TRAPPC10: variants seen among roughly 807,000 people sequenced by gnomAD.
TRAPPC10 encodes the protein trafficking protein particle complex subunit 10, also known as TRAPP 130 kDa subunit.
A neutral mutation model predicts 125.5 loss-of-function variants in TRAPPC10; 23 were observed. The ratio of observed to expected loss-of-function variants is 0.18; its 90% confidence interval spans 0.13 to 0.26. The LOEUF is 0.26. TRAPPC10 is among the 10% of genes least tolerant of loss of function. The pLI is 1.00. For synonymous variants in TRAPPC10, 509 were observed against 518.0 expected, an observed-to-expected ratio of 0.98 and a Z score of 0.24; for missense variants, 1,123 against 1,308.4, an observed-to-expected ratio of 0.86 and a Z score of 2.19.
At chr21:44,057,402 C>T (rs1049010089) in intron 5 of TRAPPC10, among the ~76,000 whole-genome samples, 8 of 151,908 alleles carry the variant, frequency 5.3e-5, no homozygotes, top group South Asian at 2.1e-4. Context: ...CAGGTTTAAG[C>T]GATTCTCCTG....
Position 44,094,135 on chromosome 21 carries a change from C to A in TRAPPC10, c.3070C>A (p.His1024Asn), listed in dbSNP as rs1424301135. The A allele has an allele frequency of 6.2e-7, 1 of 1,614,184 alleles. No individual in the cohort carries two copies. Among genetic ancestry groups the A allele is most frequent in the Non-Finnish European group, 8.5e-7 (1 of 1,179,996 alleles). Residue 1024 changes from histidine to asparagine, a missense_variant, in exon 20 of 23, where the codon CAT becomes AAT. By Grantham distance (68) the His-to-Asn change is moderately conservative. Around this residue, in one of 4 missense-constraint regions of TRAPPC10, gnomAD observed 840 missense variants for 902.0 expected, o/e 0.93. Transcript: ENST00000291574. The stretch of plus-strand genomic sequence containing the variant: ...GACAGAAGAGCCTCCCCCTTCTCTG[C>A]ATTGCCGGTTCTCTGTTGGATTTTC... ...KWTEEPPPSL[H>N]CRFSVGFSPA... is the part of the protein sequence containing the mutation.
At chr21:44,012,965 C>T (rs2031330289) in intron 1 of TRAPPC10, among the ~76,000 whole-genome samples, 1 of 152,216 alleles carries the variant, frequency 6.6e-6, no homozygotes. Context: ...GGCGCCCTTT[C>T]CCCGACTACG....
At chr21:44,088,245 G>A (rs1035039667) in intron 17 of TRAPPC10, 2 of 362,662 alleles carry the variant, frequency 5.5e-6, no homozygotes, top group African/African-American at 2.1e-5. Context: ...GACCGGTGAC[G>A]AGGCCAGAGG....
In TRAPPC10 at chr21:44,082,687, T is replaced by C; in HGVS notation, c.1724-101T>C. Reference sequence around the variant, plus strand: ...TGCTGTGCCCATCACTGCTGCTTGCTTCAGTCTGCTCTCGGTGATCTTACT... The same window carrying C: ...TGCTGTGCCCATCACTGCTGCTTGCCTCAGTCTGCTCTCGGTGATCTTACT... On this transcript the variant is annotated intron_variant, in intron 13 of 22. Transcript: ENST00000291574. The surrounding 1 kb of genome is among the most constrained non-coding windows in gnomAD (Gnocchi z 4.4). 2.9e-6 allele frequency: 4 copies of C among 1,358,078 alleles called. No individual in the cohort carries two copies. The highest frequency in any genetic ancestry group is 4.1e-6 in the Non-Finnish European group (4 of 976,972). The allele number at this position is 1,358,078 out of a possible 1,614,324, so 84.1% of individuals were successfully genotyped here. A position where few individuals can be genotyped will look rare whatever the true frequency, so the allele number is the denominator to read the frequency against.
intron 3 of TRAPPC10, among the ~76,000 whole-genome samples, chr21:44,038,373 T>G (rs908256692): frequency 6.6e-6 from 1 of 151,964 alleles, no homozygotes; most frequent in African/African-American, 2.4e-5. Flanking sequence ...TTTGTTTTCA[T>G]GACCCCTGTG....
chr21:44,063,310 T>G lies in TRAPPC10; in HGVS notation c.791-228T>G. 1 of 1,168,624 alleles carries G rather than the reference T, an allele frequency of 8.6e-7. No individual in the cohort carries two copies. The highest frequency in any genetic ancestry group is 1.1e-6 in the Non-Finnish European group (1 of 874,760). The allele number at this position is 1,168,624 out of a possible 1,614,324, so 72.4% of individuals were successfully genotyped here. A position where few individuals can be genotyped will look rare whatever the true frequency, so the allele number is the denominator to read the frequency against. ...ACCTGTTCAGCTCCCGCCCATGACT[T>G]TCTGGGCATGGTAGGGTGGTGTGCC... On this transcript the variant is annotated intron_variant, in intron 6 of 22. Transcript: ENST00000291574. The surrounding 1 kb of genome is among the most constrained non-coding windows in gnomAD (Gnocchi z 4.4).
At chr21:44,047,532 A>G (rs74356691) in intron 3 of TRAPPC10, among the ~76,000 whole-genome samples, 11,684 of 142,902 alleles carry the variant, frequency 0.082, 536 homozygotes, top group Non-Finnish European at 0.1. Context: ...CTGGGGGAGT[A>G]TGTGTGTGTG....
intron 1 of TRAPPC10, among the ~76,000 whole-genome samples, chr21:44,028,126 A>C (rs1334060339): frequency 6.6e-6 from 1 of 152,218 alleles, no homozygotes; most frequent in Non-Finnish European, 1.5e-5. Context: ...TGAACATAAA[A>C]GGTTTTAAAT....
At chr21:44,017,459 C>G (rs999206313) in intron 1 of TRAPPC10, among the ~76,000 whole-genome samples, 3 of 151,986 alleles carry the variant, frequency 2.0e-5, no homozygotes, top group Non-Finnish European at 4.4e-5. Context: ...TTTCTCTGTT[C>G]ACAATGCTTT....
At chr21:44,037,170 T>C (rs978801705) in intron 2 of TRAPPC10, among the ~76,000 whole-genome samples, 1 of 152,132 alleles carries the variant, frequency 6.6e-6, no homozygotes, top group African/African-American at 2.4e-5. Flanking sequence ...ATCCACGCGG[T>C]GTGGTTCACT....
Position 44,059,483 on chromosome 21 carries a change from A to G in TRAPPC10, c.790+269A>G. 1 of 754,172 alleles carries G rather than the reference A, an allele frequency of 1.3e-6. No individual in the cohort carries two copies. The highest frequency in any genetic ancestry group is 1.4e-5 in the South Asian group (1 of 70,230). The allele number at this position is 754,172 out of a possible 1,614,324, so 46.7% of individuals were successfully genotyped here. ...TTTCCAGGTATAAAATGTCCTTTCC[A>G]CAACTCAGTGGCCTGCTGGTGATGC... On this transcript the variant is annotated intron_variant, in intron 6 of 22. Coordinates refer to ENST00000291574, the MANE Select transcript of TRAPPC10 (RefSeq NM_003274.5). This position sits in a 1 kb window ranked among gnomAD's most constrained non-coding sequence, Gnocchi z 4.4.
intron 1 of TRAPPC10, among the ~76,000 whole-genome samples, chr21:44,028,486 G>T (rs902263965): frequency 6.6e-6 from 1 of 152,166 alleles, no homozygotes; most frequent in Non-Finnish European, 1.5e-5. Flanking sequence ...TTCAGCCAGG[G>T]TGATGCTGTG....
Position 44,012,576 on chromosome 21 carries a change from CG to C in TRAPPC10, c.67+20del. The C allele has an allele frequency of 6.5e-7, 1 of 1,530,930 alleles. No individual in the cohort carries two copies. The highest frequency in any genetic ancestry group is 1.2e-5 in the South Asian group (1 of 83,216). 94.8% of individuals were successfully genotyped at this position (1,530,930 alleles called of 1,614,324 possible). A position where few individuals can be genotyped will look rare whatever the true frequency, so the allele number is the denominator to read the frequency against. ...ATCGTCACCTGTGAGTGCCCGGAGG[CG>C]GGGAGGGCGCGGCGGTCGTTGGGCG... is the stretch of plus-strand genomic sequence containing the variant. On this transcript the variant is annotated intron_variant, in intron 1 of 22. Transcript: ENST00000291574.
At chr21:44,012,622 T>C (rs2031247581) in intron 1 of TRAPPC10, 62 bp downstream of exon 1, 5 of 1,429,352 alleles carry the variant, frequency 3.5e-6, no homozygotes, top group Admixed American at 2.1e-5. Flanking sequence ...CCTGGCGTTA[T>C]GCACCCGGCG....
intron 1 of TRAPPC10, among the ~76,000 whole-genome samples, chr21:44,028,624 T>G (rs2033287312): frequency 6.6e-6 from 1 of 152,168 alleles, no homozygotes; most frequent in South Asian, 2.1e-4. Context: ...TGGGGGTGTA[T>G]GTAGTGAAGT....
chr21:44,032,354 AT>A (rs2033643769), intron 2 of TRAPPC10, among the ~76,000 whole-genome samples, 182 bp downstream of exon 2: 1 of 144,380 alleles, frequency 6.9e-6, no homozygotes, highest in Non-Finnish European at 1.5e-5. Flanking sequence ...TGTGGGTCTT[AT>A]TCTTTATGGA....
chr21:44,080,110 A>G lies in TRAPPC10; in HGVS notation c.1706A>G (p.Gln569Arg), dbSNP rs2037582886. The G allele has an allele frequency of 6.2e-7, 1 of 1,614,068 alleles. No individual in the cohort carries two copies. The highest frequency in any genetic ancestry group is 1.1e-5 in the South Asian group (1 of 91,090). ...FCQEILDFAS[Q>R]PSDSPGHKIV... ...CAGGAGATACTTGACTTTGCCAGCC[A>G]GCCGTCAGACAGCCCAGGTAAGACC... Residue 569 changes from glutamine (Q) to arginine (R), a missense_variant, in exon 13 of 23, where the codon CAG becomes CGG. Around this residue, in one of 4 missense-constraint regions of TRAPPC10, gnomAD observed 840 missense variants for 902.0 expected, o/e 0.93. Transcript: ENST00000291574.
intron 4 of TRAPPC10, among the ~76,000 whole-genome samples, chr21:44,055,158 TC>T (rs2035487363): frequency 6.6e-6 from 1 of 152,108 alleles, no homozygotes; most frequent in South Asian, 2.1e-4. Context: ...TAAATCCCTT[TC>T]CCCCTTTCCA....
intron 1 of TRAPPC10, among the ~76,000 whole-genome samples, chr21:44,027,557 C>T (rs1451105798): frequency 2.0e-5 from 3 of 152,170 alleles, no homozygotes; most frequent in African/African-American, 4.8e-5. Context: ...TACCTGGGTT[C>T]GAATCCCAGC....
Sources: allele counts gnomAD v4.1 joint callset (sites outside exome capture counted in the v4.1 genomes callset), GRCh38; gene constraint gnomAD v4.1.1; regional missense constraint gnomAD v4.1.1; non-coding constraint Gnocchi (gnomAD v3.1); transcripts MANE v1.5; gene names NCBI Gene and HGNC (gene_info 2026-07-23, HGNC 2026-07-21).